Variants in MXRA5 observed in about 807,000 individuals in gnomAD.
MXRA5 encodes the protein matrix-remodeling-associated protein 5.
In MXRA5, 41 loss-of-function variants were observed where a neutral mutation model predicts 112.5. The ratio of observed to expected loss-of-function variants is 0.36; its 90% confidence interval spans 0.28 to 0.47. The LOEUF is 0.47. MXRA5 is among the 20% of genes least tolerant of loss of function. The pLI, the probability that MXRA5 is intolerant of heterozygous loss-of-function variation, is 0.99. For missense variants in MXRA5, 2,150 were observed against 2,251.0 expected, an observed-to-expected ratio of 0.96 and a Z score of 0.91; for synonymous variants, 862 against 900.8, an observed-to-expected ratio of 0.96 and a Z score of 0.77.
intron 2 of MXRA5, among the ~76,000 whole-genome samples, chrX:3,333,456 T>A (rs1921718573): frequency 9.1e-6 from 1 of 110,320 alleles, no homozygotes; most frequent in African/African-American, 3.3e-5. Context: ...TTGGTCTTAT[T>A]AAAACAAGAT....
At chrX:3,343,908 A>G (rs1340596118) in intron 1 of MXRA5, 47 bp from the exon 2 acceptor site, 2 of 1,045,328 alleles carry the variant, frequency 1.9e-6, no homozygotes, top group Non-Finnish European at 2.6e-6. Flanking sequence ...GGTAGCACCG[A>G]CGAACTGTGG....
At position 3,323,336 on chromosome X, in the gene MXRA5, C is replaced by T. The variant is rs150681202; in HGVS notation, c.2349G>A (p.Trp783Ter). Residue 783 changes from tryptophan (W) to a stop codon, truncating the protein, a stop_gained, in exon 5 of 7, where the codon TGG (tryptophan) becomes TGA (stop). Coordinates refer to ENST00000217939, the MANE Select transcript of MXRA5 (RefSeq NM_015419.4). LOFTEE classifies it high-confidence loss of function. ...MANKQINPER[W>*]ADILAKVRGK... ...CACGGACTTTGGCTAAAATATCAGC[C>T]CAGCGCTCCGGATTAATCTGTTTGT... is the stretch of plus-strand genomic sequence containing the variant. 47 of 1,209,759 alleles carry T rather than the reference C, an allele frequency of 3.9e-5. No individual in the cohort carries two copies. Among genetic ancestry groups the T allele is most frequent in the Non-Finnish European group, 7.8e-6 (7 of 895,189 alleles).
At chrX:3,329,572 C>G (rs1425973887) in intron 4 of MXRA5, among the ~76,000 whole-genome samples, 1 of 90,712 alleles carries the variant, frequency 1.1e-5, no homozygotes, top group Non-Finnish European at 2.4e-5. Flanking sequence ...TAGTGAGAAT[C>G]GCTTCCGTGT....
chrX:3,319,858 T>C (rs977225725), intron 5 of MXRA5, 150 bp downstream of exon 5: 4 of 423,236 alleles, frequency 9.5e-6, no homozygotes, highest in African/African-American at 5.0e-5. Context: ...TAAACACTTA[T>C]TCGAGTAAAA....
Position 3,322,328 on chromosome X carries a change from G to A in MXRA5, c.3357C>T (p.Thr1119=). Residue 1119 remains threonine, a synonymous_variant, in exon 5 of 7, where the codon ACC becomes ACT. Transcript: ENST00000217939. ...VKKPAETTVG[T]LLDKDTTTAT... ...CTGTTGTGGTGTCTTTGTCTAGGAG[G>A]GTACCAACTGTGGTTTCCGCAGGCT... is the stretch of plus-strand genomic sequence containing the variant. The A allele has an allele frequency of 8.3e-7, 1 of 1,211,151 alleles. No individual in the cohort carries two copies. The highest frequency in any genetic ancestry group is 1.1e-6 in the Non-Finnish European group (1 of 895,379).
intron 2 of MXRA5, among the ~76,000 whole-genome samples, chrX:3,341,080 ATTATACATAATATG>A (rs1276129847): frequency 2.9e-5 from 2 of 68,279 alleles, no homozygotes; most frequent in Non-Finnish European, 5.1e-5. Flanking sequence ...AATATATTAT[ATTATACATAATATG>A]TTATACATAA....
In MXRA5 at chrX:3,310,052, G is replaced by A. The variant is rs779993652; in HGVS notation, c.8151C>T (p.Tyr2717=). 4.1e-4 allele frequency: 498 copies of A among 1,209,092 alleles called. No homozygotes were observed. Among genetic ancestry groups the A allele is most frequent in the Non-Finnish European group, 5.4e-4 (486 of 894,948 alleles). Residue 2717 remains tyrosine (Y), a synonymous_variant, in exon 7 of 7, where the codon TAC becomes TAT. Coordinates refer to ENST00000217939, the MANE Select transcript of MXRA5 (RefSeq NM_015419.4). ...GTYVCRMETE[Y]GPSVTSIPVI... ...CGGGGATGCTGGTGACCGAAGGGCCGTACTCCGTCTCCATCCTGCATACAT... is the reference window on the plus strand; with the variant it reads ...CGGGGATGCTGGTGACCGAAGGGCCATACTCCGTCTCCATCCTGCATACAT...
At chrX:3,326,394 A>G (rs1212633912) in intron 4 of MXRA5, among the ~76,000 whole-genome samples, 7 of 100,659 alleles carry the variant, frequency 7.0e-5, no homozygotes, top group African/African-American at 2.5e-4. Context: ...TATAATTTAT[A>G]TATAATCAAT....
At chrX:3,318,139 T>C in intron 5 of MXRA5, 136 bp from the exon 6 acceptor site, 1 of 495,515 alleles carries the variant, frequency 2.0e-6, no homozygotes, top group Admixed American at 4.7e-5. Flanking sequence ...TAGAATGTTT[T>C]AGTGTTTTTA....
At chrX:3,318,866 TA>T (rs59408908) in intron 5 of MXRA5, among the ~76,000 whole-genome samples, 51,980 of 106,728 alleles carry the variant, frequency 0.49, 9,585 homozygotes, top group Non-Finnish European at 0.58. Flanking sequence ...TCTTTTTCTT[TA>T]AAAAAAAAAC....
chrX:3,317,843 G>T lies in MXRA5; in HGVS notation c.5838C>A (p.Thr1946=), dbSNP rs759677896. 3 of 1,211,406 alleles carry T rather than the reference G, an allele frequency of 2.5e-6. No individual in the cohort carries two copies. The highest frequency in any genetic ancestry group is 4.3e-5 in the Admixed American group (2 of 45,989). The change falls in exon 6 of 7, where the codon ACC becomes ACA. Residue 1946 remains threonine (T), a synonymous_variant. Transcript: ENST00000217939. ...LDRMVVLLSV[T]VQQPQILASH... is the part of the protein sequence containing the mutation. The stretch of plus-strand genomic sequence containing the variant: ...AGGCTAGGATTTGAGGTTGCTGCAC[G>T]GTGACCGAAAGCAAGACCACCATCC...
Position 3,343,819 on chromosome X carries a change from C to A in MXRA5, c.15G>T (p.Ala5=), listed in dbSNP as rs749944728. The A allele has an allele frequency of 5.0e-6, 6 of 1,204,438 alleles. No individual in the cohort carries two copies. The highest frequency in any genetic ancestry group is 6.7e-6 in the Non-Finnish European group (6 of 890,623). Residue 5 remains alanine (A), a synonymous_variant, in exon 2 of 7, where the codon GCG becomes GCT. Coordinates refer to ENST00000217939, the MANE Select transcript of MXRA5 (RefSeq NM_015419.4). MPKR[A]HWGALSVVLI... Reference sequence around the variant, plus strand: ...GCACCACGGAGAGGGCCCCCCAGTGCGCGCGCTTGGGCATCTTGTCGGGGT... The same window carrying A: ...GCACCACGGAGAGGGCCCCCCAGTGAGCGCGCTTGGGCATCTTGTCGGGGT...
At chrX:3,311,662 C>T (rs1490090937) in intron 6 of MXRA5, 38 bp from the exon 7 acceptor site, 3 of 1,113,472 alleles carry the variant, frequency 2.7e-6, no homozygotes, top group African/African-American at 3.6e-5. Flanking sequence ...ATGTCAGTTT[C>T]CCAAATGCTC....
In MXRA5 at chrX:3,317,042, A is replaced by G. The variant is rs937331022; in HGVS notation, c.6578+61T>C. 6.7e-6 allele frequency: 7 copies of G among 1,039,759 alleles called. No individual in the cohort carries two copies. The Admixed American group carries it at 2.7e-4, about 40-fold the overall frequency. 85.7% of individuals were successfully genotyped at this position (1,039,759 alleles called of 1,213,427 possible). A position where few individuals can be genotyped will look rare whatever the true frequency, so the allele number is the denominator to read the frequency against. ...GTGTGCATATTCATCCTGAAAAAGG[A>G]CTCATATTCGTTGGGGCCACCAGCC... is the stretch of plus-strand genomic sequence containing the variant. On this transcript the variant is annotated intron_variant, in intron 6 of 6. Coordinates refer to ENST00000217939, the MANE Select transcript of MXRA5 (RefSeq NM_015419.4).
Position 3,317,336 on chromosome X carries a change from C to T in MXRA5, c.6345G>A (p.Lys2115=). 8.3e-7 allele frequency: 1 copy of T among 1,208,531 alleles called. No homozygotes were observed. Among genetic ancestry groups the T allele is most frequent in the Non-Finnish European group, 1.1e-6 (1 of 893,940 alleles). Residue 2115 remains lysine, a synonymous_variant, in exon 6 of 7, where the codon AAG becomes AAA. Coordinates refer to ENST00000217939, the MANE Select transcript of MXRA5 (RefSeq NM_015419.4). ...GTLYIRNLAP[K]DSGRYECVAA... ...CCACGCACTCATAGCGCCCGCTGTC[C>T]TTGGGCGCGAGGTTGCGGATGTAGA...
chrX:3,322,332 C>A lies in MXRA5; in HGVS notation c.3353G>T (p.Gly1118Val). The change falls in exon 5 of 7, where the codon GGT (glycine) becomes GTT (valine). Residue 1118 changes from glycine to valine, a missense_variant. This residue lies in a region of MXRA5 where 1,485 missense variants were observed against 1,471.6 expected (regional missense o/e 1.01). Coordinates refer to ENST00000217939, the MANE Select transcript of MXRA5 (RefSeq NM_015419.4). ...TGTGGTGTCTTTGTCTAGGAGGGTA[C>A]CAACTGTGGTTTCCGCAGGCTTCTT... Reference protein sequence around the residue: ...PVKKPAETTVGTLLDKDTTTA... With the variant: ...PVKKPAETTVVTLLDKDTTTA... The A allele has an allele frequency of 8.3e-7, 1 of 1,211,135 alleles. No homozygotes were observed.
chrX:3,346,458 AC>A (rs1447541585), intron 1 of MXRA5, 56 bp downstream of exon 1: 10 of 718,024 alleles, frequency 1.4e-5, no homozygotes, highest in Non-Finnish European at 1.6e-5. Flanking sequence ...AAATCCCTTC[AC>A]CCCCTGCAGG....
At position 3,310,697 on chromosome X, in the gene MXRA5, G is replaced by A; in HGVS notation, c.7506C>T (p.Ser2502=). The change falls in exon 7 of 7, where the codon TCC becomes TCT. Residue 2502 remains serine (S), a synonymous_variant. Transcript: ENST00000217939. ...TCTTCCTCAAACTCCTGATGTCCAG[G>A]GAACCGTTGCCATGGACAGTGATCC... ...GNRITVHGNG[S]LDIRSLRKSD... is the part of the protein sequence containing the mutation. The A allele has an allele frequency of 8.4e-7, 1 of 1,193,308 alleles. No individual in the cohort carries two copies. The highest frequency in any genetic ancestry group is 1.1e-6 in the Non-Finnish European group (1 of 887,544).
intron 2 of MXRA5, among the ~76,000 whole-genome samples, chrX:3,340,855 G>A (rs1307379056): frequency 2.0e-5 from 2 of 102,147 alleles, no homozygotes; most frequent in African/African-American, 7.1e-5. Flanking sequence ...TTTGGGGAGG[G>A]TGCATGCAGG....
Sources: gnomAD v4.1 joint callset for allele counts (sites outside exome capture counted in the v4.1 genomes callset) on GRCh38, gnomAD v4.1.1 for gene constraint, gnomAD v4.1.1 regional missense constraint, MANE v1.5 for transcripts, NCBI Gene and HGNC (gene_info 2026-07-23, HGNC 2026-07-21) for gene names.